Variants in HECW2 observed in about 807,000 individuals in gnomAD.
HECW2 encodes E3 ubiquitin-protein ligase HECW2.
A neutral mutation model predicts 175.2 loss-of-function variants in HECW2; 61 were observed. The ratio of observed to expected loss-of-function variants is 0.35; its 90% CI spans 0.28 to 0.43. HECW2 has a LOEUF of 0.43. Among genes scored for constraint, HECW2 ranks in the 20% least tolerant of loss-of-function variants. The pLI is 1.00. For missense variants in HECW2, 1,524 were observed against 2,000.5 expected (o/e 0.76, Z 4.54); for synonymous variants, 671 against 731.0 (o/e 0.92, Z 1.32).
At chr2:196,528,842 A>C (rs1179731030) in intron 1 of HECW2, among the ~76,000 whole-genome samples, 1 of 152,224 alleles carries the variant, frequency 6.6e-6, no homozygotes, top group African/African-American at 2.4e-5. Flanking sequence ...GACTTGGGTA[A>C]CCATGAATGA....
rs1691825913 is a variant in HECW2, at chr2:196,319,054, A to G, written c.1836T>C (p.Ser612=). 6.2e-7 allele frequency: 1 copy of G among 1,613,164 alleles called. No individual in the cohort carries two copies. The highest frequency in any genetic ancestry group is 1.3e-5 in the African/African-American group (1 of 74,902). ...TGGCAGGATCACTGGGTTCTGTTTC[A>G]GAGGACACCTGGGAAGGCTCAGAGC... is the stretch of plus-strand genomic sequence containing the variant. ...DQGSEPSQVS[S]ETEPSDPART... Residue 612 remains serine, a synonymous_variant, in exon 9 of 29, where the codon TCT becomes TCC. Transcript: ENST00000644978.
At chr2:196,209,428 A>T (rs575477832) in intron 28 of HECW2, among the ~76,000 whole-genome samples, 1 of 152,320 alleles carries the variant, frequency 6.6e-6, no homozygotes, top group East Asian at 1.9e-4. Context: ...TGGTGATGTG[A>T]TGGGTTAACT....
rs184161183 is a variant in HECW2 at position 196,219,877 on chromosome 2, A to C, written c.4408+162T>G. On this transcript the variant is annotated intron_variant, in intron 26 of 28. Transcript: ENST00000644978. ...CATCTGACAGATGAGGTAATTAGGAAAAGAAGAGAATGTACCTTGCCCAAG... is the reference window on the plus strand; with the variant it reads ...CATCTGACAGATGAGGTAATTAGGACAAGAAGAGAATGTACCTTGCCCAAG... Among the ~76,000 whole-genome samples the C allele has an allele frequency of 2.6e-3, 390 of 152,338 alleles. 2 individuals are homozygous for C. The highest frequency in any genetic ancestry group is 8.7e-3 in the African/African-American group (362 of 41,576).
intron 26 of HECW2, among the ~76,000 whole-genome samples, chr2:196,218,515 C>T (rs1035735696): frequency 6.6e-6 from 1 of 152,052 alleles, no homozygotes; most frequent in Non-Finnish European, 1.5e-5. Context: ...TAATGCATTG[C>T]TATTAGAATC....
At chr2:196,284,470 C>T (rs573714336) in intron 14 of HECW2, among the ~76,000 whole-genome samples, 3 of 152,202 alleles carry the variant, frequency 2.0e-5, no homozygotes, top group Non-Finnish European at 4.4e-5. Context: ...AAGGAGCAAT[C>T]CCTTGGTGTG....
chr2:196,322,641 C>T, intron 6 of HECW2, 21 bp from the exon 7 acceptor site: 3 of 1,599,320 alleles, frequency 1.9e-6, no homozygotes, highest in Non-Finnish European at 2.6e-6. Flanking sequence ...AAACAGATAA[C>T]ATGCTGGTTT....
intron 1 of HECW2, among the ~76,000 whole-genome samples, chr2:196,438,594 G>T (rs1455730528): frequency 1.3e-5 from 2 of 152,182 alleles, no homozygotes. Flanking sequence ...TGATCAGAAA[G>T]ACCCTGAAGG....
chr2:196,433,500 C>A, intron 1 of HECW2, 42 bp from the exon 2 acceptor site: 1 of 1,398,502 alleles, frequency 7.2e-7, no homozygotes. Flanking sequence ...TGCTACAATA[C>A]GAAGAATCAG....
chr2:196,214,509 T>G (rs114676437), intron 28 of HECW2, among the ~76,000 whole-genome samples: 3,825 of 152,326 alleles, frequency 0.025, 73 homozygotes, highest in Non-Finnish European at 0.039. Flanking sequence ...ATCTGTTGAT[T>G]TATGTGTTGA....
chr2:196,300,457 T>C (rs1289225094), intron 13 of HECW2, among the ~76,000 whole-genome samples: 1 of 152,236 alleles, frequency 6.6e-6, no homozygotes, highest in African/African-American at 2.4e-5. Flanking sequence ...GTAAGTCTAA[T>C]ATTCAAAAAC....
chr2:196,350,577 T>C (rs1271705660), intron 2 of HECW2, among the ~76,000 whole-genome samples: 2 of 152,220 alleles, frequency 1.3e-5, no homozygotes, highest in Non-Finnish European at 2.9e-5. Context: ...CTGTGGACCA[T>C]GCATATGTCT....
chr2:196,235,648 C>A (rs370876671), intron 21 of HECW2, among the ~76,000 whole-genome samples: 1 of 78,900 alleles, frequency 1.3e-5, no homozygotes, highest in African/African-American at 4.7e-5. Context: ...ATGCATTATT[C>A]TTTTTTTTTT....
Position 196,319,012 on chromosome 2 carries a change from G to A in HECW2, c.1878C>T (p.Ser626=), listed in dbSNP as rs114435815. 4.0e-5 allele frequency: 64 copies of A among 1,613,804 alleles called. No homozygotes were observed. In the African/African-American group the frequency reaches 6.0e-4, roughly 15 times the overall value. The change falls in exon 9 of 29, where the codon AGC becomes AGT. Residue 626 remains serine (S), a synonymous_variant. Transcript: ENST00000644978. ...PSDPARTESV[S]EASTRPEGES... ...CTCCCTCAGGCCTGGTGCTGGCTTC[G>A]CTCACACTCTCTGTCCTGGCAGGAT...
At chr2:196,297,959 A>C (rs977401206) in intron 13 of HECW2, among the ~76,000 whole-genome samples, 9 of 152,232 alleles carry the variant, frequency 5.9e-5, no homozygotes, top group Admixed American at 3.3e-4. Context: ...TCACATTAAC[A>C]AAACTATCTA....
chr2:196,386,209 A>T (rs1694345711), intron 2 of HECW2, among the ~76,000 whole-genome samples: 1 of 152,204 alleles, frequency 6.6e-6, no homozygotes, highest in Non-Finnish European at 1.5e-5. Flanking sequence ...TGGAAAGGGG[A>T]GATGGACAGT....
chr2:196,382,326 C>T (rs1559078898), intron 2 of HECW2, among the ~76,000 whole-genome samples: 1 of 150,766 alleles, frequency 6.6e-6, no homozygotes, highest in Non-Finnish European at 1.5e-5. Flanking sequence ...GCATTGTTAC[C>T]TGTGAGAAAA....
At chr2:196,338,352 C>T (rs1692628239) in intron 3 of HECW2, among the ~76,000 whole-genome samples, 1 of 152,146 alleles carries the variant, frequency 6.6e-6, no homozygotes, top group South Asian at 2.1e-4. Context: ...TAGTGGTTGC[C>T]TTCAGGGTGG....
At chr2:196,510,402 A>G (rs1338393642) in intron 1 of HECW2, among the ~76,000 whole-genome samples, 1 of 152,154 alleles carries the variant, frequency 6.6e-6, no homozygotes, top group East Asian at 1.9e-4. Flanking sequence ...AGAATTTCAT[A>G]GTCTTACCAG....
intron 2 of HECW2, among the ~76,000 whole-genome samples, chr2:196,395,235 T>C (rs1180536301): frequency 2.0e-5 from 3 of 152,132 alleles, no homozygotes; most frequent in African/African-American, 7.2e-5. Context: ...GACTTAAACA[T>C]AGAGCTAAAA....
Sources: gnomAD v4.1 joint callset for allele counts (sites outside exome capture counted in the v4.1 genomes callset) on GRCh38, gnomAD v4.1.1 for gene constraint, MANE v1.5 for transcripts, NCBI Gene and HGNC (gene_info 2026-07-23, HGNC 2026-07-21) for gene names.